The following BMPR1B variants were observed in gnomAD, a reference collection of about 807,000 sequenced individuals.
The protein encoded by BMPR1B is bone morphogenetic protein receptor type 1B, also known as bone morphogenetic protein receptor type-1B.
BMPR1B carries 12 observed loss-of-function variants against 59.1 expected under a neutral mutation model. That is an observed-to-expected ratio of 0.20 (90% CI 0.13 to 0.33). The LOEUF is 0.33. BMPR1B is among the 10% of genes least tolerant of loss of function. BMPR1B has a pLI of 1.00. For missense variants in BMPR1B, 550 were observed against 610.9 expected, an observed-to-expected ratio of 0.90 and a Z score of 1.05; for synonymous variants, 237 against 207.3, an observed-to-expected ratio of 1.14 and a Z score of -1.23.
chr4:95,029,309 C>T (rs560180158), intron 3 of BMPR1B, among the ~76,000 whole-genome samples: 1 of 144,542 alleles, frequency 6.9e-6, no homozygotes. Flanking sequence ...CATGTGTTCT[C>T]ATTGTTCAGT....
intron 3 of BMPR1B, among the ~76,000 whole-genome samples, chr4:95,046,947 CA>C (rs1480927925): frequency 6.6e-6 from 1 of 152,178 alleles, no homozygotes; most frequent in Non-Finnish European, 1.5e-5. Context: ...GAAAGCTGCA[CA>C]AGCAGGTGTA....
chr4:94,794,693 C>G lies in BMPR1B; in HGVS notation c.-183+36625C>G, dbSNP rs931054473. ...ATTTCTTTGTATCGTCTTTTATTTC[C>G]TTGAGCAGTGGTTTGTAGTTCTCCT... On this transcript the variant is annotated intron_variant, in intron 1 of 12. Transcript: ENST00000515059. 1.2e-3 allele frequency among the ~76,000 whole-genome samples: 181 copies of G among 151,976 alleles called. 1 individual carries two copies. Among genetic ancestry groups the G allele is most frequent in the South Asian group, 6.2e-4 (3 of 4,806 alleles).
intron 1 of BMPR1B, among the ~76,000 whole-genome samples, chr4:94,781,527 C>G (rs2110587407): frequency 6.6e-6 from 1 of 152,260 alleles, no homozygotes; most frequent in East Asian, 1.9e-4. Context: ...ATTCCCCTGC[C>G]TCAGCCTCCC....
At chr4:94,833,918 TTTG>T (rs1359732635) in intron 1 of BMPR1B, among the ~76,000 whole-genome samples, 2 of 152,178 alleles carry the variant, frequency 1.3e-5, no homozygotes, top group African/African-American at 2.4e-5. Flanking sequence ...TTAGGCATTT[TTTG>T]TTGTTCTTGA....
At chr4:94,760,916 C>G (rs1404977209) in intron 1 of BMPR1B, among the ~76,000 whole-genome samples, 1 of 152,094 alleles carries the variant, frequency 6.6e-6, no homozygotes, top group African/African-American at 2.4e-5. Flanking sequence ...AATAGCAGAT[C>G]ATAGACTTAG....
At chr4:94,977,976 A>AT (rs1345160867) in intron 2 of BMPR1B, among the ~76,000 whole-genome samples, 5 of 152,012 alleles carry the variant, frequency 3.3e-5, no homozygotes, top group East Asian at 3.8e-4. Context: ...TGGTATGGCT[A>AT]TTTTTTTTCT....
At chr4:95,042,265 C>A (rs187244937) in intron 3 of BMPR1B, among the ~76,000 whole-genome samples, 24 of 152,200 alleles carry the variant, frequency 1.6e-4, no homozygotes. Flanking sequence ...TAGGTACCTA[C>A]GTGTGAATAA....
At chr4:95,039,912 T>A (rs2149170491) in intron 3 of BMPR1B, among the ~76,000 whole-genome samples, 1 of 152,318 alleles carries the variant, frequency 6.6e-6, no homozygotes, top group East Asian at 1.9e-4. Context: ...AATCATGGCA[T>A]CATTGTTTCT....
chr4:95,046,057 T>C (rs528461085), intron 3 of BMPR1B, among the ~76,000 whole-genome samples: 2 of 150,902 alleles, frequency 1.3e-5, no homozygotes, highest in South Asian at 4.2e-4. Context: ...AATAAATATT[T>C]AGTTTTTCAG....
At chr4:94,963,293 T>C (rs908612608) in intron 2 of BMPR1B, among the ~76,000 whole-genome samples, 2 of 152,196 alleles carry the variant, frequency 1.3e-5, no homozygotes, top group African/African-American at 4.8e-5. Context: ...TTCTGTAGGA[T>C]AGCTCTCCAC....
At chr4:95,048,580 T>G (rs1272562740) in intron 3 of BMPR1B, among the ~76,000 whole-genome samples, 1 of 152,232 alleles carries the variant, frequency 6.6e-6, no homozygotes, top group African/African-American at 2.4e-5. Flanking sequence ...ATGTGTTTCT[T>G]GGCCTTTTGT....
In BMPR1B at chr4:95,101,514, C is replaced by T. The variant is rs547223751; in HGVS notation, c.-17-2894C>T. 1.1e-4 allele frequency among the ~76,000 whole-genome samples: 16 copies of T among 152,148 alleles called. No homozygotes were observed. In the South Asian group the frequency reaches 2.3e-3, roughly 22 times the overall value. ...TATCCCCTTCCCCCTTTTAGAAGTA[C>T]TTTTAGAAGTACCTTTGATACCGTT... On this transcript the variant is annotated intron_variant, in intron 3 of 12. Transcript: ENST00000515059.
rs35696562 is a variant in BMPR1B at position 94,873,410 on chromosome 4, C to CTTTT, written c.-182-2409_-182-2406dup. ...TACCCATACTTCAAGGCTATGAATT[C>CTTTT]TTTTTTTTTTTTTTTGAGACAGAGT... On this transcript the variant is annotated intron_variant, in intron 1 of 12. Transcript: ENST00000515059. Among the ~76,000 whole-genome samples the CTTTT allele has an allele frequency of 7.4e-4, 104 of 139,618 alleles. 2 individuals carry two copies. The highest frequency in any genetic ancestry group is 3.7e-3 in the Middle Eastern group (1 of 272). 91.6% of individuals were successfully genotyped at this position (139,618 alleles called of 152,430 possible). A position where few individuals can be genotyped will look rare whatever the true frequency, so the allele number is the denominator to read the frequency against.
chr4:95,137,480 C>T (rs1315908214), intron 10 of BMPR1B, among the ~76,000 whole-genome samples: 6 of 152,132 alleles, frequency 3.9e-5, no homozygotes, highest in South Asian at 2.1e-4. Context: ...CTTTCTGTCT[C>T]GTTGATCTGT....
In BMPR1B at chr4:94,969,385, C is replaced by G. The variant is rs529767176; in HGVS notation, c.-112-26655C>G. Among the ~76,000 whole-genome samples the G allele has an allele frequency of 5.8e-4, 88 of 152,234 alleles. 1 individual carries two copies. The highest frequency in any genetic ancestry group is 2.0e-3 in the African/African-American group (83 of 41,552). ...GCTGCTTTCCACCCATCACTGCGATCGCAGTCTGTCATCAAGATGCTTGTT... is the reference window on the plus strand; with the variant it reads ...GCTGCTTTCCACCCATCACTGCGATGGCAGTCTGTCATCAAGATGCTTGTT... On this transcript the variant is annotated intron_variant, in intron 2 of 12. Transcript: ENST00000515059.
intron 1 of BMPR1B, among the ~76,000 whole-genome samples, chr4:94,816,199 T>C (rs1047790024): frequency 6.6e-6 from 1 of 152,314 alleles, no homozygotes; most frequent in East Asian, 1.9e-4. Flanking sequence ...TAGGCTGGAG[T>C]GCAGTGGCAC....
At chr4:94,921,911 A>G (rs1433523868) in intron 2 of BMPR1B, among the ~76,000 whole-genome samples, 2 of 152,080 alleles carry the variant, frequency 1.3e-5, no homozygotes, top group African/African-American at 2.4e-5. Context: ...AATATTTTAG[A>G]TAAATAATCT....
chr4:95,092,011 T>C (rs1730028471), intron 3 of BMPR1B, among the ~76,000 whole-genome samples: 2 of 152,108 alleles, frequency 1.3e-5, no homozygotes, highest in Non-Finnish European at 2.9e-5. Flanking sequence ...AAATTTTTTA[T>C]AGTTTTTGAT....
At chr4:94,984,095 G>A (rs916005101) in intron 2 of BMPR1B, among the ~76,000 whole-genome samples, 1 of 152,190 alleles carries the variant, frequency 6.6e-6, no homozygotes, top group Non-Finnish European at 1.5e-5. Flanking sequence ...AATTGGAGGG[G>A]GAGGGCATGG....
Sources: gnomAD v4.1 joint callset for allele counts (sites outside exome capture counted in the v4.1 genomes callset) on GRCh38, gnomAD v4.1.1 for gene constraint, MANE v1.5 for transcripts, NCBI Gene and HGNC (gene_info 2026-07-23, HGNC 2026-07-21) for gene names.